SNTB1: variants seen among roughly 807,000 people sequenced by gnomAD.
The protein encoded by SNTB1 is syntrophin beta 1, also known as beta-1-syntrophin.
SNTB1 carries 36 observed loss-of-function variants against 48.9 expected under a neutral mutation model. That is an observed-to-expected ratio of 0.74 (90% CI 0.56 to 0.97). The LOEUF is 0.97. Ranked by LOEUF, SNTB1 falls within the 50% of genes least tolerant of loss-of-function variation. The pLI, the probability that SNTB1 is intolerant of heterozygous loss-of-function variation, is 0.00. For synonymous variants in SNTB1, 299 were observed against 294.6 expected, an observed-to-expected ratio of 1.01 and a Z score of -0.15; for missense variants, 786 against 703.4, an observed-to-expected ratio of 1.12 and a Z score of -1.33.
At chr8:120,613,673 A>T (rs1816663067) in intron 3 of SNTB1, among the ~76,000 whole-genome samples, 1 of 152,208 alleles carries the variant, frequency 6.6e-6, no homozygotes, top group South Asian at 2.1e-4. Flanking sequence ...AGTACATGGC[A>T]TTCTTTGTTT....
At chr8:120,670,702 C>T (rs773545318) in intron 2 of SNTB1, among the ~76,000 whole-genome samples, 2 of 152,172 alleles carry the variant, frequency 1.3e-5, no homozygotes, top group African/African-American at 4.8e-5. Flanking sequence ...TGGACAATTC[C>T]TCTTTGAAGT....
intron 1 of SNTB1, among the ~76,000 whole-genome samples, chr8:120,806,002 C>T (rs117582647): frequency 0.029 from 4,340 of 152,234 alleles, 92 homozygotes; most frequent in Non-Finnish European, 0.043. Flanking sequence ...GGAGTTAATC[C>T]GTGTAAAGTG....
chr8:120,604,681 C>T (rs1015855485), intron 3 of SNTB1, among the ~76,000 whole-genome samples: 1 of 152,068 alleles, frequency 6.6e-6, no homozygotes, highest in East Asian at 1.9e-4. Flanking sequence ...GAACTCCTGA[C>T]CTCAGGTGAT....
intron 1 of SNTB1, among the ~76,000 whole-genome samples, chr8:120,752,479 G>C (rs1819236692): frequency 6.6e-6 from 1 of 151,954 alleles, no homozygotes; most frequent in Non-Finnish European, 1.5e-5. Context: ...CTAGGAAAAA[G>C]ACACACTCAC....
At chr8:120,635,578 G>C (rs1178928489) in intron 2 of SNTB1, 1 of 163,554 alleles carries the variant, frequency 6.1e-6, no homozygotes, top group African/African-American at 2.4e-5. Flanking sequence ...TATTCATTGA[G>C]AAATTGTGCA....
At chr8:120,685,658 C>T (rs968118130) in intron 2 of SNTB1, among the ~76,000 whole-genome samples, 1 of 152,200 alleles carries the variant, frequency 6.6e-6, no homozygotes, top group African/African-American at 2.4e-5. Flanking sequence ...ATCCTAATCT[C>T]TTTATCAAAG....
chr8:120,757,399 G>T (rs1056077804), intron 1 of SNTB1, among the ~76,000 whole-genome samples: 1 of 152,132 alleles, frequency 6.6e-6, no homozygotes, highest in Non-Finnish European at 1.5e-5. Context: ...AGTCTACAAG[G>T]GTCCTGTTAG....
At chr8:120,732,651 C>G (rs1818870834) in intron 1 of SNTB1, among the ~76,000 whole-genome samples, 1 of 152,158 alleles carries the variant, frequency 6.6e-6, no homozygotes, top group African/African-American at 2.4e-5. Context: ...TTAAGACCAG[C>G]CTGGCCAACA....
intron 3 of SNTB1, among the ~76,000 whole-genome samples, chr8:120,585,803 C>T (rs1816130309): frequency 6.6e-6 from 1 of 152,090 alleles, no homozygotes; most frequent in Non-Finnish European, 1.5e-5. Context: ...ACAGTGAAGC[C>T]AATGTAATAT....
At chr8:120,670,771 T>C (rs1023882184) in intron 2 of SNTB1, among the ~76,000 whole-genome samples, 1 of 152,186 alleles carries the variant, frequency 6.6e-6, no homozygotes, top group African/African-American at 2.4e-5. Flanking sequence ...TCAGAAGCTC[T>C]GGGTTTGAGT....
Position 120,693,881 on chromosome 8 carries a change from T to C in SNTB1, c.599A>G (p.Tyr200Cys), listed in dbSNP as rs576739422. 10 of 1,614,052 alleles carry C rather than the reference T, an allele frequency of 6.2e-6. No individual in the cohort carries two copies. Among genetic ancestry groups the C allele is most frequent in the South Asian group, 2.2e-5 (2 of 91,068 alleles). ...EVKYMREATP[Y>C]VKKGSPVSEI... ...GGATACTGGGGATCCTTTCTTCACA[T>C]AGGGCGTGGCTTCTCGCATGTACTT... Residue 200 changes from tyrosine (Y) to cysteine (C), a missense_variant, in exon 2 of 7, where the codon TAT (tyrosine) becomes TGT (cysteine). Coordinates refer to ENST00000517992, the MANE Select transcript of SNTB1 (RefSeq NM_021021.4).
chr8:120,648,919 A>G (rs1174530845), intron 2 of SNTB1, among the ~76,000 whole-genome samples: 1 of 151,138 alleles, frequency 6.6e-6, no homozygotes. Context: ...CATTCATTTC[A>G]TCTTCCATCG....
chr8:120,641,792 C>G (rs1236591551), intron 2 of SNTB1, among the ~76,000 whole-genome samples: 2 of 152,214 alleles, frequency 1.3e-5, no homozygotes, highest in African/African-American at 4.8e-5. Flanking sequence ...TATACCCTTT[C>G]CAGTTCCTGT....
intron 1 of SNTB1, among the ~76,000 whole-genome samples, chr8:120,733,278 T>C (rs922194230): frequency 6.6e-6 from 1 of 152,242 alleles, no homozygotes; most frequent in Non-Finnish European, 1.5e-5. Context: ...AGAAGGTCTA[T>C]CCATGTTAAA....
intron 3 of SNTB1, among the ~76,000 whole-genome samples, chr8:120,630,159 T>A (rs1324112749): frequency 6.6e-6 from 1 of 152,220 alleles, no homozygotes; most frequent in Non-Finnish European, 1.5e-5. Flanking sequence ...GTCTCTACCT[T>A]TCCCATCCTT....
chr8:120,576,650 T>C (rs1369057846), intron 3 of SNTB1, among the ~76,000 whole-genome samples: 1 of 152,194 alleles, frequency 6.6e-6, no homozygotes, highest in Non-Finnish European at 1.5e-5. Context: ...TGGTTTTGAG[T>C]GCTGACTCGG....
At chr8:120,723,661 G>C in intron 1 of SNTB1, among the ~76,000 whole-genome samples, 1 of 152,152 alleles carries the variant, frequency 6.6e-6, no homozygotes. Context: ...ATAGGCGACT[G>C]GGCCCAAATT....
chr8:120,602,414 A>C (rs1396565634), intron 3 of SNTB1, among the ~76,000 whole-genome samples: 1 of 152,246 alleles, frequency 6.6e-6, no homozygotes, highest in Non-Finnish European at 1.5e-5. Flanking sequence ...TGAGTAAAGC[A>C]GATGACCTTC....
intron 2 of SNTB1, among the ~76,000 whole-genome samples, chr8:120,662,013 A>G (rs1817596831): frequency 6.6e-6 from 1 of 152,000 alleles, no homozygotes; most frequent in Non-Finnish European, 1.5e-5. Flanking sequence ...CACTCACTGT[A>G]CTTTGTAGAT....
Sources: gnomAD v4.1 joint callset for allele counts (sites outside exome capture counted in the v4.1 genomes callset) on GRCh38, gnomAD v4.1.1 for gene constraint, MANE v1.5 for transcripts, NCBI Gene and HGNC (gene_info 2026-07-23, HGNC 2026-07-21) for gene names.